PDZRN3: variants seen among roughly 807,000 people sequenced by gnomAD.
The protein encoded by PDZRN3 is PDZ domain containing ring finger 3, also known as E3 ubiquitin-protein ligase PDZRN3.
PDZRN3 carries 38 observed loss-of-function variants against 85.7 expected under a neutral mutation model. That is an observed-to-expected ratio of 0.44 (90% CI 0.34 to 0.58). The LOEUF is 0.58. Ranked by LOEUF, PDZRN3 falls within the 20% of genes least tolerant of loss-of-function variation. The pLI is 0.01. For missense variants in PDZRN3, 1,629 were observed against 1,506.4 expected (o/e 1.08, Z -1.35); for synonymous variants, 759 against 638.0 (o/e 1.19, Z -2.86).
chr3:73,454,780 G>C (rs939115944), intron 3 of PDZRN3, among the ~76,000 whole-genome samples: 2 of 152,096 alleles, frequency 1.3e-5, no homozygotes, highest in African/African-American at 4.8e-5. Context: ...TATTTTACAA[G>C]TAACTAAATA....
At chr3:73,439,370 A>T (rs6549539) in intron 3 of PDZRN3, among the ~76,000 whole-genome samples, 1 of 152,032 alleles carries the variant, frequency 6.6e-6, no homozygotes, top group African/African-American at 2.4e-5. Context: ...TAAAAGAATC[A>T]CTTTTTGTGC....
chr3:73,387,229 A>G (rs1203510252), intron 8 of PDZRN3, among the ~76,000 whole-genome samples: 1 of 152,220 alleles, frequency 6.6e-6, no homozygotes, highest in Non-Finnish European at 1.5e-5. Flanking sequence ...CAGCAGCATG[A>G]AAACGGACTA....
chr3:73,475,432 G>C (rs1703429447), intron 3 of PDZRN3, among the ~76,000 whole-genome samples: 1 of 152,142 alleles, frequency 6.6e-6, no homozygotes, highest in Non-Finnish European at 1.5e-5. Flanking sequence ...CCTCATGGCA[G>C]TCAATTTCAA....
At chr3:73,432,286 G>A (rs1349670298) in intron 3 of PDZRN3, among the ~76,000 whole-genome samples, 7 of 151,260 alleles carry the variant, frequency 4.6e-5, no homozygotes, top group African/African-American at 9.8e-5. Flanking sequence ...ATCGCCAGTG[G>A]TGAAAGCGCT....
At chr3:73,588,338 G>A (rs1702307206) in intron 3 of PDZRN3, among the ~76,000 whole-genome samples, 1 of 152,134 alleles carries the variant, frequency 6.6e-6, no homozygotes, top group African/African-American at 2.4e-5. Flanking sequence ...TATCGTTGAT[G>A]GGCATTTGGG....
chr3:73,519,672 G>GA (rs1428776946), intron 3 of PDZRN3, among the ~76,000 whole-genome samples: 2 of 152,190 alleles, frequency 1.3e-5, no homozygotes, highest in Non-Finnish European at 2.9e-5. Context: ...AGTCGTAACA[G>GA]AAAAAACATC....
intron 3 of PDZRN3, among the ~76,000 whole-genome samples, chr3:73,553,872 C>G (rs988766941): frequency 4.6e-5 from 7 of 152,258 alleles, no homozygotes; most frequent in Admixed American, 4.6e-4. Flanking sequence ...TGCTGGAATA[C>G]GCATGGCACA....
At chr3:73,557,441 G>A (rs1193071802) in intron 3 of PDZRN3, among the ~76,000 whole-genome samples, 2 of 152,132 alleles carry the variant, frequency 1.3e-5, no homozygotes, top group Non-Finnish European at 2.9e-5. Flanking sequence ...CTTATGATAT[G>A]AATTTTTCAT....
intron 3 of PDZRN3, among the ~76,000 whole-genome samples, chr3:73,528,885 AACACACACAC>A (rs56134399): frequency 0.017 from 2,523 of 146,848 alleles, 34 homozygotes; most frequent in Non-Finnish European, 0.026. Flanking sequence ...TTTTGTGGGA[AACACACACAC>A]ACACACACAC....
intron 3 of PDZRN3, among the ~76,000 whole-genome samples, chr3:73,594,302 A>G (rs1214939963): frequency 2.6e-5 from 4 of 152,198 alleles, no homozygotes; most frequent in Non-Finnish European, 5.9e-5. Context: ...GATTTTCTCA[A>G]TAATTCTATA....
At chr3:73,513,194 C>A (rs951002429) in intron 3 of PDZRN3, among the ~76,000 whole-genome samples, 3 of 152,180 alleles carry the variant, frequency 2.0e-5, no homozygotes, top group African/African-American at 7.2e-5. Context: ...GAAAGTGGGT[C>A]ACTTCGAAGT....
chr3:73,603,886 T>TACACACACACAC (rs370554640), intron 2 of PDZRN3, among the ~76,000 whole-genome samples: 5 of 145,048 alleles, frequency 3.4e-5, no homozygotes, highest in Middle Eastern at 3.6e-3. Context: ...CACACACACA[T>TACACACACACAC]ACACACACAC....
intron 5 of PDZRN3, among the ~76,000 whole-genome samples, chr3:73,400,697 A>T (rs921669509): frequency 1.3e-4 from 20 of 152,346 alleles, no homozygotes; most frequent in Non-Finnish European, 1.3e-4. Flanking sequence ...GATTCAAATT[A>T]AAAAAAGTTT....
intron 4 of PDZRN3, among the ~76,000 whole-genome samples, chr3:73,403,687 TA>T (rs1381262643): frequency 6.6e-6 from 1 of 152,160 alleles, no homozygotes; most frequent in Non-Finnish European, 1.5e-5. Context: ...ATGCAGTACT[TA>T]GATGAGGCAT....
chr3:73,577,978 C>T (rs1328797768), intron 3 of PDZRN3, among the ~76,000 whole-genome samples: 1 of 152,192 alleles, frequency 6.6e-6, no homozygotes, highest in Non-Finnish European at 1.5e-5. Flanking sequence ...GAAGCAAACG[C>T]CACATGGCCT....
chr3:73,617,494 G>C (rs1575765536), intron 1 of PDZRN3, among the ~76,000 whole-genome samples: 2 of 152,194 alleles, frequency 1.3e-5, no homozygotes, highest in Admixed American at 1.3e-4. Flanking sequence ...TGATCCCCTG[G>C]GTTAAAGCTG....
intron 3 of PDZRN3, among the ~76,000 whole-genome samples, chr3:73,572,481 C>T (rs757173478): frequency 8.5e-5 from 13 of 152,314 alleles, no homozygotes; most frequent in Non-Finnish European, 1.5e-4. Flanking sequence ...TATTCCTCTA[C>T]CCTGGGCCTT....
intron 3 of PDZRN3, among the ~76,000 whole-genome samples, chr3:73,504,399 C>T (rs1186080772): frequency 1.3e-5 from 2 of 152,154 alleles, no homozygotes; most frequent in African/African-American, 2.4e-5. Context: ...TGTGCAAATA[C>T]GGGGCTCAAG....
chr3:73,430,051 G>A (rs577153116), intron 3 of PDZRN3, among the ~76,000 whole-genome samples: 1 of 152,312 alleles, frequency 6.6e-6, no homozygotes, highest in African/African-American at 2.4e-5. Context: ...CATTGACAAT[G>A]CTGGAAAATG....
Sources: allele counts gnomAD v4.1 joint callset (sites outside exome capture counted in the v4.1 genomes callset), GRCh38; gene constraint gnomAD v4.1.1; transcripts MANE v1.5; gene names NCBI Gene and HGNC (gene_info 2026-07-23, HGNC 2026-07-21).